ZNF462: variants seen among roughly 807,000 people sequenced by gnomAD.
ZNF462 encodes zinc finger PBX1-interacting protein.
ZNF462 carries 10 observed loss-of-function variants against 201.9 expected under a neutral mutation model. The ratio of observed to expected loss-of-function variants is 0.05; its 90% CI spans 0.03 to 0.08. ZNF462 has a LOEUF of 0.08. ZNF462 is among the 10% of genes least tolerant of loss of function. The pLI is 1.00. For missense variants in ZNF462, 2,523 were observed against 3,168.3 expected, an observed-to-expected ratio of 0.80 and a Z score of 4.89; for synonymous variants, 1,227 against 1,193.3, an observed-to-expected ratio of 1.03 and a Z score of -0.58.
At chr9:106,887,541 G>C (rs923222513) in intron 1 of ZNF462, among the ~76,000 whole-genome samples, 30 of 152,242 alleles carry the variant, frequency 2.0e-4, no homozygotes, top group Middle Eastern at 3.4e-3. Flanking sequence ...TTTTTTTAAT[G>C]TTATCTTATA....
intron 7 of ZNF462, among the ~76,000 whole-genome samples, chr9:106,959,175 A>G (rs749766651): frequency 6.6e-6 from 1 of 151,896 alleles, no homozygotes; most frequent in Non-Finnish European, 1.5e-5. Flanking sequence ...TCCCCTCCCC[A>G]CTCAGCCATC....
At chr9:106,862,099 GAAAT>G (rs1039244689), upstream of ZNF462, among the ~76,000 whole-genome samples, 4 of 152,166 alleles carry the variant, frequency 2.6e-5, no homozygotes, top group South Asian at 2.1e-4. The surrounding 1 kb of genome is among the most constrained non-coding windows in gnomAD (Gnocchi z 4.2). Context: ...TATCAGGAAA[GAAAT>G]AAAACGCACA....
At position 107,012,031 on chromosome 9, in the gene ZNF462, G is replaced by A. The variant is rs1829948136; in HGVS notation, c.*1001G>A. The A allele has an allele frequency of 6.6e-6, 1 of 151,558 alleles. No homozygotes were observed. The highest frequency in any genetic ancestry group is 2.4e-5 in the African/African-American group (1 of 41,262). The allele number at this position is 151,558 out of a possible 1,614,324, so 9.4% of individuals were successfully genotyped here. On this transcript the variant is annotated 3_prime_UTR_variant, in exon 13 of 13. Transcript: ENST00000277225. ...TTGTTATTGTTGTTTTAATTTCGGG[G>A]CAAGGGAGATTTAGTTTTTTGTGAA...
At chr9:106,893,189 C>T (rs1215594226) in intron 1 of ZNF462, among the ~76,000 whole-genome samples, 1 of 152,142 alleles carries the variant, frequency 6.6e-6, no homozygotes, top group Non-Finnish European at 1.5e-5. Flanking sequence ...CTCTCTGAGA[C>T]CCACAGAGGT....
In ZNF462 at chr9:106,928,146, G is replaced by A. The variant is rs1269641011; in HGVS notation, c.4234G>A (p.Ala1412Thr). Residue 1412 changes from alanine to threonine, a missense_variant, in exon 3 of 13, where the codon GCT becomes ACT. By Grantham distance (58) the Ala-to-Thr change is moderately conservative. Around this residue, in one of 15 missense-constraint regions of ZNF462, gnomAD observed 165 missense variants for 142.6 expected, o/e 1.16. Coordinates refer to ENST00000277225, the MANE Select transcript of ZNF462 (RefSeq NM_021224.6). The surrounding 1 kb of genome is among the most constrained non-coding windows in gnomAD (Gnocchi z 9.3). ...VLLDIIKEKD[A>T]VEKPILSSEE... ...ACTGGACATCATCAAGGAGAAAGAT[G>A]CTGTGGAGAAGCCCATTCTTTCATC... 1 of 1,614,216 alleles carries A rather than the reference G, an allele frequency of 6.2e-7. No homozygotes were observed. Among genetic ancestry groups the A allele is most frequent in the South Asian group, 1.1e-5 (1 of 91,084 alleles).
chr9:106,904,338 G>C (rs1829178957), intron 1 of ZNF462, among the ~76,000 whole-genome samples: 1 of 152,154 alleles, frequency 6.6e-6, no homozygotes, highest in African/African-American at 2.4e-5. Context: ...GTTACCTGGT[G>C]CTTCTGTCTC....
rs1463159001 is a variant in ZNF462 at position 106,970,803 on chromosome 9, C to A, written c.6428-1202C>A. Among the ~76,000 whole-genome samples, 2 of 151,488 alleles carry A rather than the reference C, an allele frequency of 1.3e-5. No homozygotes were observed. The highest frequency in any genetic ancestry group is 4.2e-4 in the South Asian group (2 of 4,792). ...CTTTTACTTTTCCTCTCCCCCAACC[C>A]CTTTATTTATTTATTTTTACTTTTT... On this transcript the variant is annotated intron_variant, in intron 7 of 12. Transcript: ENST00000277225. This position sits in a 1 kb window ranked among gnomAD's most constrained non-coding sequence, Gnocchi z 4.2.
In ZNF462 at chr9:106,864,064, C is replaced by CTCTCTCTG. The variant is rs1564062379; in HGVS notation, c.-31+716_-31+717insGTCTCTCT. On this transcript the variant is annotated intron_variant, in intron 1 of 12. Coordinates refer to ENST00000277225, the MANE Select transcript of ZNF462 (RefSeq NM_021224.6). ...GCTCTCTCTCTCTCTCTCTCTCTCTCTCTCTCTCTCTCTCTCTCTCTCTCT... is the reference window on the plus strand; with the variant it reads ...GCTCTCTCTCTCTCTCTCTCTCTCTCTCTCTCTGTCTCTCTCTCTCTCTCTCTCTCTCT... Among the ~76,000 whole-genome samples the CTCTCTCTG allele has an allele frequency of 7.2e-4, 74 of 102,430 alleles. 4 individuals carry two copies. Among genetic ancestry groups the CTCTCTCTG allele is most frequent in the Admixed American group, 1.4e-3 (14 of 10,166 alleles). The allele number at this position is 102,430 out of a possible 152,430, so 67.2% of individuals were successfully genotyped here.
intron 10 of ZNF462, among the ~76,000 whole-genome samples, chr9:106,986,760 T>C (rs895169662): frequency 1.3e-5 from 2 of 152,064 alleles, no homozygotes; most frequent in Non-Finnish European, 2.9e-5. Flanking sequence ...TTTTATCCCT[T>C]GCCCCCCTCC....
At chr9:106,980,936 G>A (rs1448240752) in intron 9 of ZNF462, among the ~76,000 whole-genome samples, 1 of 152,132 alleles carries the variant, frequency 6.6e-6, no homozygotes, top group East Asian at 1.9e-4. Flanking sequence ...GTCTATACCT[G>A]GAACCATTCC....
chr9:106,993,700 T>A lies in ZNF462; in HGVS notation c.7056+9291T>A, dbSNP rs547477080. 6.6e-6 allele frequency among the ~76,000 whole-genome samples: 1 copy of A among 151,114 alleles called. No individual in the cohort carries two copies. Among genetic ancestry groups the A allele is most frequent in the Non-Finnish European group, 1.5e-5 (1 of 67,810 alleles). ...CCCCCCAACACACATAGTGAATTAT[T>A]TATCAGTAATGCCCTTTATTAGCAA... On this transcript the variant is annotated intron_variant, in intron 10 of 12. Transcript: ENST00000277225. The surrounding 1 kb of genome is among the most constrained non-coding windows in gnomAD (Gnocchi z 4.0).
chr9:106,997,867 A>G (rs749266124), intron 10 of ZNF462, among the ~76,000 whole-genome samples: 1 of 152,148 alleles, frequency 6.6e-6, no homozygotes, highest in Non-Finnish European at 1.5e-5. Context: ...TGATTGAAAA[A>G]GTATCAAAAA....
At position 106,981,589 on chromosome 9, in the gene ZNF462, C is replaced by G. The variant is rs1330648928; in HGVS notation, c.6833-2597C>G. Among the ~76,000 whole-genome samples, 8 of 152,182 alleles carry G rather than the reference C, an allele frequency of 5.3e-5. No individual in the cohort carries two copies. The highest frequency in any genetic ancestry group is 1.2e-4 in the Non-Finnish European group (8 of 68,024). ...AACGGTGCTTGAACCGTAGCGAGCA[C>G]TTAATAGTCTGCAGTGGTGTTCACA... On this transcript the variant is annotated intron_variant, in intron 9 of 12. Coordinates refer to ENST00000277225, the MANE Select transcript of ZNF462 (RefSeq NM_021224.6). The surrounding 1 kb of genome is among the most constrained non-coding windows in gnomAD (Gnocchi z 4.0).
At position 106,928,899 on chromosome 9, in the gene ZNF462, C is replaced by A; in HGVS notation, c.4987C>A (p.Gln1663Lys). Residue 1663 changes from glutamine to lysine, a missense_variant, in exon 3 of 13, where the codon CAG (glutamine) becomes AAG (lysine). By Grantham distance (53) the Gln-to-Lys change is moderately conservative (BLOSUM62 1). Transcript: ENST00000277225. This position sits in a 1 kb window ranked among gnomAD's most constrained non-coding sequence, Gnocchi z 9.3. ...HLVSHTVFRCQLCKYFCSTRK... is the reference protein window; with the variant it reads ...HLVSHTVFRCKLCKYFCSTRK... ...GGTCTCCCACACTGTGTTCCGGTGC[C>A]AGCTCTGCAAGTACTTCTGCTCCAC... is the stretch of plus-strand genomic sequence containing the variant. The A allele has an allele frequency of 1.2e-6, 2 of 1,614,032 alleles. No homozygotes were observed. Among genetic ancestry groups the A allele is most frequent in the African/African-American group, 1.3e-5 (1 of 75,004 alleles).
At chr9:106,971,595 AG>A (rs1170187420) in intron 7 of ZNF462, among the ~76,000 whole-genome samples, 2 of 151,530 alleles carry the variant, frequency 1.3e-5, no homozygotes, top group Non-Finnish European at 1.5e-5. Context: ...AAAAAAAAAA[AG>A]AACTCTCAAA....
chr9:106,925,909 C>T lies in ZNF462; in HGVS notation c.1997C>T (p.Ser666Phe), dbSNP rs779649783. The T allele has an allele frequency of 7.4e-6, 12 of 1,614,130 alleles. No homozygotes were observed. The highest frequency in any genetic ancestry group is 1.7e-5 in the Admixed American group (1 of 60,018). The change falls in exon 3 of 13, where the codon TCC becomes TTC. Residue 666 changes from serine (S) to phenylalanine (F), a missense_variant. Transcript: ENST00000277225. This position sits in a 1 kb window ranked among gnomAD's most constrained non-coding sequence, Gnocchi z 7.9. ...AGTCAGACCTCAATTCTTGGGTTGT[C>T]CTCCAAGAACAATTTTGTAGCTAAA... ...KKSQTSILGLSSKNNFVAKAS... is the reference protein window; with the variant it reads ...KKSQTSILGLFSKNNFVAKAS...
upstream of ZNF462, among the ~76,000 whole-genome samples, chr9:106,862,612 G>A (rs1036790021): frequency 2.0e-5 from 3 of 151,130 alleles, no homozygotes; most frequent in Non-Finnish European, 4.4e-5. The surrounding 1 kb of genome is among the most constrained non-coding windows in gnomAD (Gnocchi z 4.2). Context: ...CTCCTCCTCT[G>A]CCGCCGCCAC....
At chr9:106,994,155 A>G (rs1388062135) in intron 10 of ZNF462, among the ~76,000 whole-genome samples, 1 of 152,150 alleles carries the variant, frequency 6.6e-6, no homozygotes, top group Admixed American at 6.6e-5. Context: ...TATTCAGGCA[A>G]TACACATTCA....
chr9:106,897,404 G>A (rs1364940590), intron 1 of ZNF462, among the ~76,000 whole-genome samples: 4 of 152,240 alleles, frequency 2.6e-5, no homozygotes, highest in African/African-American at 9.6e-5. Context: ...TTGGTGACAA[G>A]ATAACTTTGT....
Sources: gnomAD v4.1 joint callset for allele counts (sites outside exome capture counted in the v4.1 genomes callset) on GRCh38, gnomAD v4.1.1 for gene constraint, gnomAD v4.1.1 regional missense constraint, Gnocchi (gnomAD v3.1) non-coding constraint, MANE v1.5 for transcripts, NCBI Gene and HGNC (gene_info 2026-07-23, HGNC 2026-07-21) for gene names.